PTPRD: variants seen among roughly 807,000 people sequenced by gnomAD.
PTPRD encodes the protein receptor-type tyrosine-protein phosphatase delta.
A neutral mutation model predicts 214.5 loss-of-function variants in PTPRD; 34 were observed. That is an observed-to-expected ratio of 0.16 (90% CI 0.12 to 0.21). The LOEUF (loss-of-function observed/expected upper bound fraction) is 0.21, where lower values mean the gene tolerates loss of function less well. PTPRD is among the 10% of genes least tolerant of loss of function. The pLI is 1.00. For missense variants in PTPRD, 2,545 were observed against 2,398.7 expected (o/e 1.06, Z -1.27); for synonymous variants, 1,128 against 845.7 (o/e 1.33, Z -5.79).
At chr9:10,608,601 A>G (rs1247430074) in intron 2 of PTPRD, among the ~76,000 whole-genome samples, 1 of 152,100 alleles carries the variant, frequency 6.6e-6, no homozygotes, top group African/African-American at 2.4e-5. Flanking sequence ...TATTAGTCAC[A>G]TAGCTTGAAA....
At chr9:9,847,659 T>G (rs1242724963) in intron 5 of PTPRD, among the ~76,000 whole-genome samples, 1 of 152,144 alleles carries the variant, frequency 6.6e-6, no homozygotes, top group Non-Finnish European at 1.5e-5. Flanking sequence ...TCTGTTTCTG[T>G]GGTAGCTTTC....
chr9:8,464,135 T>C (rs2096490951), intron 32 of PTPRD, among the ~76,000 whole-genome samples: 1 of 151,868 alleles, frequency 6.6e-6, no homozygotes, highest in Non-Finnish European at 1.5e-5. Flanking sequence ...GAAACCACAG[T>C]GTGTAGTTCA....
chr9:8,456,314 G>C (rs2096199863), intron 33 of PTPRD, among the ~76,000 whole-genome samples: 1 of 152,110 alleles, frequency 6.6e-6, no homozygotes, highest in Admixed American at 6.6e-5. Context: ...TCCTAAAGCA[G>C]CCCGAACTGC....
At chr9:9,588,622 G>A (rs868142754) in intron 7 of PTPRD, among the ~76,000 whole-genome samples, 2 of 152,034 alleles carry the variant, frequency 1.3e-5, no homozygotes, top group African/African-American at 4.8e-5. Flanking sequence ...AAATAATTAG[G>A]AATAACTCTG....
intron 3 of PTPRD, among the ~76,000 whole-genome samples, chr9:10,235,550 A>G (rs2099626261): frequency 6.6e-6 from 1 of 151,962 alleles, no homozygotes; most frequent in African/African-American, 2.4e-5. Context: ...GATATCACTT[A>G]AGCCTATTTC....
At chr9:8,493,021 A>T (rs768122253) in intron 26 of PTPRD, 42 bp from the exon 27 acceptor site, 10 of 1,509,974 alleles carry the variant, frequency 6.6e-6, no homozygotes, top group Non-Finnish European at 8.3e-6. Context: ...AAAACATGCT[A>T]CTAATGCTCT....
At chr9:8,571,939 T>G in intron 14 of PTPRD, among the ~76,000 whole-genome samples, 1 of 152,100 alleles carries the variant, frequency 6.6e-6, no homozygotes. Context: ...TCAGGATGAT[T>G]GCATGGCAGA....
At chr9:9,510,715 G>A (rs143513388) in intron 8 of PTPRD, among the ~76,000 whole-genome samples, 149 of 150,666 alleles carry the variant, frequency 9.9e-4, no homozygotes, top group African/African-American at 3.0e-3. Context: ...CTATTTGGGC[G>A]GCCTCACCAT....
intron 9 of PTPRD, among the ~76,000 whole-genome samples, chr9:9,382,448 A>C (rs899461729): frequency 5.3e-5 from 8 of 152,120 alleles, no homozygotes; most frequent in Non-Finnish European, 1.0e-4. Flanking sequence ...GCTAATATCC[A>C]AAATATGTAA....
At chr9:8,476,587 C>T (rs925788757) in intron 30 of PTPRD, among the ~76,000 whole-genome samples, 1 of 152,140 alleles carries the variant, frequency 6.6e-6, no homozygotes, top group Non-Finnish European at 1.5e-5. Flanking sequence ...GAAATCTTCT[C>T]TGATTTTTTT....
At chr9:8,874,683 A>G (rs1270660290) in intron 11 of PTPRD, among the ~76,000 whole-genome samples, 1 of 152,202 alleles carries the variant, frequency 6.6e-6, no homozygotes, top group South Asian at 2.1e-4. Context: ...AATTCTGTTA[A>G]TAGCTGCATG....
intron 9 of PTPRD, among the ~76,000 whole-genome samples, chr9:9,198,510 C>G (rs2099939973): frequency 6.6e-6 from 1 of 151,920 alleles, no homozygotes; most frequent in Admixed American, 6.6e-5. Context: ...ATGTATTTTA[C>G]TGTTTCTCTG....
At chr9:9,118,304 A>G (rs1162507671) in intron 10 of PTPRD, among the ~76,000 whole-genome samples, 1 of 152,228 alleles carries the variant, frequency 6.6e-6, no homozygotes, top group Non-Finnish European at 1.5e-5. Context: ...GGTAAGCTTG[A>G]TCCCAAACCT....
At position 8,932,882 on chromosome 9, in the gene PTPRD, T is replaced by C. The variant is rs2098962861; in HGVS notation, c.-104+85815A>G. Among the ~76,000 whole-genome samples the C allele has an allele frequency of 7.9e-5, 12 of 152,106 alleles. No homozygotes were observed. The South Asian group carries it at 2.3e-3, about 29-fold the overall frequency. On this transcript the variant is annotated intron_variant, in intron 11 of 45. Coordinates refer to ENST00000381196, the MANE Select transcript of PTPRD (RefSeq NM_002839.4). ...GTCGCCTTTCCAGGGGAATGAAAGG[T>C]TCTGTCTTGCTGGTGTTCCAGGCAC...
At chr9:9,743,224 C>A (rs1314235817) in intron 6 of PTPRD, among the ~76,000 whole-genome samples, 2 of 152,172 alleles carry the variant, frequency 1.3e-5, no homozygotes, top group East Asian at 3.9e-4. Flanking sequence ...AATGTAAAGT[C>A]ACATGCCAAA....
In PTPRD at chr9:8,626,415, T is replaced by G. The variant is rs773412989; in HGVS notation, c.352+6902A>C. Among the ~76,000 whole-genome samples, 4 of 151,884 alleles carry G rather than the reference T, an allele frequency of 2.6e-5. No homozygotes were observed. In the East Asian group the frequency reaches 5.8e-4, roughly 22 times the overall value. ...TCCCAACCTCATTTTCTTTTACTAC[T>G]ACTATTTTACTTCTGCTCAATTCTG... On this transcript the variant is annotated intron_variant, in intron 14 of 45. Transcript: ENST00000381196.
intron 3 of PTPRD, among the ~76,000 whole-genome samples, chr9:10,213,225 T>C (rs776654115): frequency 6.6e-6 from 1 of 152,148 alleles, no homozygotes; most frequent in African/African-American, 2.4e-5. Context: ...TATTTCTGTA[T>C]TGTATTCACT....
chr9:10,022,558 T>C (rs1477858475), intron 4 of PTPRD, among the ~76,000 whole-genome samples: 1 of 152,154 alleles, frequency 6.6e-6, no homozygotes, highest in Non-Finnish European at 1.5e-5. Flanking sequence ...TTTCAGCAAG[T>C]AACTGGAAAG....
chr9:9,257,500 T>C (rs1011355835), intron 9 of PTPRD, among the ~76,000 whole-genome samples: 16 of 151,930 alleles, frequency 1.1e-4, no homozygotes, highest in African/African-American at 3.9e-4. Context: ...ATATATGATA[T>C]TTAAAAATTG....
Sources: gnomAD v4.1 joint callset for allele counts (sites outside exome capture counted in the v4.1 genomes callset) on GRCh38, gnomAD v4.1.1 for gene constraint, MANE v1.5 for transcripts, NCBI Gene and HGNC (gene_info 2026-07-23, HGNC 2026-07-21) for gene names.